The following SCARB2 variants were observed in gnomAD, a reference collection of about 807,000 sequenced individuals.
The protein encoded by SCARB2 is scavenger receptor class B member 2.
SCARB2 carries 29 observed loss-of-function variants against 58.6 expected under a neutral mutation model. That is an observed-to-expected ratio of 0.49 (90% CI 0.37 to 0.67). The LOEUF (loss-of-function observed/expected upper bound fraction) is 0.67, where lower values mean the gene tolerates loss of function less well. Ranked by LOEUF, SCARB2 falls within the 30% of genes least tolerant of loss-of-function variation. SCARB2 has a pLI of 0.00. For missense variants in SCARB2, 488 were observed against 578.5 expected (o/e 0.84, Z 1.60); for synonymous variants, 195 against 210.1 (o/e 0.93, Z 0.62).
intron 1 of SCARB2, among the ~76,000 whole-genome samples, chr4:76,221,920 G>GA (rs1184895154): frequency 3.3e-5 from 5 of 151,904 alleles, no homozygotes; most frequent in African/African-American, 4.8e-5. Context: ...AAAATCAAAG[G>GA]AAAAAAATGC....
At chr4:76,222,359 T>G (rs944843149) in intron 1 of SCARB2, among the ~76,000 whole-genome samples, 1 of 152,168 alleles carries the variant, frequency 6.6e-6, no homozygotes, top group African/African-American at 2.4e-5. Flanking sequence ...CCCCAGTAGC[T>G]GGGACTATAG....
intron 9 of SCARB2, 59 bp from the exon 10 acceptor site, chr4:76,166,360 C>G: frequency 6.7e-7 from 1 of 1,497,758 alleles, no homozygotes; most frequent in South Asian, 1.1e-5. Flanking sequence ...GGCACACTTT[C>G]CCGGACAGAC....
At chr4:76,210,135 T>C (rs1733014876) in intron 1 of SCARB2, among the ~76,000 whole-genome samples, 1 of 152,228 alleles carries the variant, frequency 6.6e-6, no homozygotes, top group Non-Finnish European at 1.5e-5. Context: ...CGTTCAGGCA[T>C]TGTGCGAGGC....
Position 76,166,305 on chromosome 4 carries a change from C to G in SCARB2, c.1188-4G>C. The G allele has an allele frequency of 6.2e-7, 1 of 1,614,024 alleles. No homozygotes were observed. The highest frequency in any genetic ancestry group is 1.1e-5 in the South Asian group (1 of 91,070). On this transcript the variant is annotated splice_polypyrimidine_tract_variant and splice_region_variant and intron_variant, in intron 9 of 11. Coordinates refer to ENST00000264896, the MANE Select transcript of SCARB2 (RefSeq NM_005506.4). ...GGTTCTAATGTCTCCCGTTTCACTA[C>G]AAAGACAAAGGATGAGATTGTTTCA...
chr4:76,181,249 G>C, intron 2 of SCARB2, 148 bp from the exon 3 acceptor site: 1 of 787,222 alleles, frequency 1.3e-6, no homozygotes, highest in Non-Finnish European at 2.0e-6. Flanking sequence ...GCCTTAAAAA[G>C]CTGGAGATCG....
intron 1 of SCARB2, among the ~76,000 whole-genome samples, chr4:76,200,247 A>G (rs2109964411): frequency 6.6e-6 from 1 of 152,336 alleles, no homozygotes. Flanking sequence ...GTTACACTAA[A>G]TGAAAAAGCA....
intron 2 of SCARB2, among the ~76,000 whole-genome samples, chr4:76,186,522 C>T (rs1416294645): frequency 2.0e-5 from 3 of 152,020 alleles, no homozygotes; most frequent in African/African-American, 7.3e-5. Flanking sequence ...ACGCTGCCCG[C>T]TCAGGTAACT....
chr4:76,194,978 G>C (rs1163106217), intron 2 of SCARB2: 3 of 152,118 alleles, frequency 2.0e-5, no homozygotes, highest in African/African-American at 7.2e-5. Flanking sequence ...GTAAGAAACA[G>C]AAAGATCTGT....
At chr4:76,184,973 A>G (rs1364389639) in intron 2 of SCARB2, among the ~76,000 whole-genome samples, 17 of 152,150 alleles carry the variant, frequency 1.1e-4, no homozygotes, top group Non-Finnish European at 1.5e-5. Context: ...ATAGCCTTCA[A>G]ATAGATTCCC....
chr4:76,217,759 G>A (rs562169247), upstream of SCARB2: 252 of 485,320 alleles, frequency 5.2e-4, 3 homozygotes, highest in East Asian at 7.9e-3. Flanking sequence ...AGGAGATACG[G>A]TGATCTCTCT....
intron 1 of SCARB2, among the ~76,000 whole-genome samples, chr4:76,199,687 T>A (rs1257282445): frequency 6.6e-6 from 1 of 152,234 alleles, no homozygotes; most frequent in African/African-American, 2.4e-5. Flanking sequence ...TAAGTTGGAC[T>A]CTGAACTCTC....
intron 2 of SCARB2, among the ~76,000 whole-genome samples, chr4:76,182,986 A>G (rs926804739): frequency 4.6e-5 from 7 of 152,258 alleles, no homozygotes; most frequent in African/African-American, 7.2e-5. Flanking sequence ...TTGAACCATC[A>G]TAAGTCAAGG....
intron 2 of SCARB2, among the ~76,000 whole-genome samples, chr4:76,181,596 GCT>G (rs1732387103): frequency 6.6e-6 from 1 of 151,988 alleles, no homozygotes; most frequent in African/African-American, 2.4e-5. Flanking sequence ...ATAGGGTCTC[GCT>G]CTGTTGCCCA....
At chr4:76,211,832 G>A (rs763511352) in intron 1 of SCARB2, among the ~76,000 whole-genome samples, 7 of 152,090 alleles carry the variant, frequency 4.6e-5, no homozygotes, top group Non-Finnish European at 8.8e-5. Flanking sequence ...ACAATACACC[G>A]TGCAGTCCTC....
intron 3 of SCARB2, 155 bp from the exon 4 acceptor site, chr4:76,179,860 G>A (rs1008343679): frequency 2.1e-5 from 15 of 708,040 alleles, no homozygotes; most frequent in Middle Eastern, 3.7e-4. Context: ...CTTTCTGGCT[G>A]CATATGGAAG....
At chr4:76,185,103 G>C (rs1266329356) in intron 2 of SCARB2, among the ~76,000 whole-genome samples, 1 of 152,208 alleles carries the variant, frequency 6.6e-6, no homozygotes, top group Non-Finnish European at 1.5e-5. Context: ...CCAATCGAAA[G>C]TGTCAGGGCC....
At chr4:76,180,041 C>T in intron 3 of SCARB2, 1 of 347,616 alleles carries the variant, frequency 2.9e-6, no homozygotes, top group African/African-American at 2.1e-5. Flanking sequence ...CTAAGCAGGG[C>T]CAGAGGCTCA....
intron 2 of SCARB2, among the ~76,000 whole-genome samples, chr4:76,188,124 TA>T (rs974573904): frequency 1.3e-5 from 2 of 152,210 alleles, no homozygotes; most frequent in African/African-American, 4.8e-5. Flanking sequence ...TTTTCTTTTT[TA>T]ATTCTTGAAA....
At chr4:76,164,286 T>C (rs1484133663) in intron 10 of SCARB2, 3 of 152,306 alleles carry the variant, frequency 2.0e-5, no homozygotes, top group South Asian at 2.1e-4. Context: ...GGCAGGCGGA[T>C]TGCTTGAGCT....
Sources: allele counts gnomAD v4.1 joint callset (sites outside exome capture counted in the v4.1 genomes callset), GRCh38; gene constraint gnomAD v4.1.1; transcripts MANE v1.5; gene names NCBI Gene and HGNC (gene_info 2026-07-23, HGNC 2026-07-21).